Variants in GNAT3 observed in about 807,000 individuals in gnomAD.
GNAT3 encodes the protein guanine nucleotide-binding protein G(t) subunit alpha-3.
In GNAT3, 31 loss-of-function variants were observed where a neutral mutation model predicts 37.7. That is an observed-to-expected ratio of 0.82 (90% CI 0.62 to 1.11). The LOEUF (loss-of-function observed/expected upper bound fraction) is 1.11. Among genes scored for constraint, GNAT3 ranks in the 50% most tolerant of loss-of-function variants. GNAT3 has a pLI of 0.00. For synonymous variants in GNAT3, 138 were observed against 139.8 expected (o/e 0.99, Z 0.09); for missense variants, 437 against 412.5 (o/e 1.06, Z -0.51).
chr7:80,474,356 A>C lies in GNAT3; in HGVS notation c.485T>G (p.Ile162Arg). 2 of 1,548,916 alleles carry C rather than the reference A, an allele frequency of 1.3e-6. No homozygotes were observed. Among genetic ancestry groups the C allele is most frequent in the Non-Finnish European group, 1.8e-6 (2 of 1,142,770 alleles). ...AAYYLNDLDRITASGYVPNEQ... is the reference protein window; with the variant it reads ...AAYYLNDLDRRTASGYVPNEQ... ...ATTTGGCACATACCCAGATGCTGTT[A>C]TTCTATCTAAATCATTAAGGTAGCT... The change falls in exon 5 of 8, where the codon ATA becomes AGA. Residue 162 changes from isoleucine (I) to arginine (R), a missense_variant. Physicochemically the swap from Ile to Arg is moderately conservative, Grantham distance 97 (BLOSUM62 -3). Coordinates refer to ENST00000398291, the MANE Select transcript of GNAT3 (RefSeq NM_001102386.3).
chr7:80,465,399 T>C (rs1790114348), intron 5 of GNAT3, among the ~76,000 whole-genome samples: 1 of 152,126 alleles, frequency 6.6e-6, no homozygotes, highest in Non-Finnish European at 1.5e-5. Flanking sequence ...AGCAATTAAC[T>C]CATTTAAACC....
At chr7:80,479,474 C>T (rs1790355569) in intron 3 of GNAT3, among the ~76,000 whole-genome samples, 1 of 151,536 alleles carries the variant, frequency 6.6e-6, no homozygotes, top group Non-Finnish European at 1.5e-5. Flanking sequence ...AATCCCAGCA[C>T]TTAGGGAGGC....
chr7:80,490,437 A>G (rs1052698583), intron 2 of GNAT3, among the ~76,000 whole-genome samples: 1 of 152,172 alleles, frequency 6.6e-6, no homozygotes, highest in African/African-American at 2.4e-5. Flanking sequence ...ATGCATAGGA[A>G]CAAACTCTGC....
At chr7:80,500,173 GTGGGCTTGTT>G (rs1010818767) in intron 1 of GNAT3, among the ~76,000 whole-genome samples, 2 of 151,250 alleles carry the variant, frequency 1.3e-5, no homozygotes, top group African/African-American at 4.9e-5. Flanking sequence ...CTCACTCCTG[GTGGGCTTGTT>G]TATAAATAAG....
rs191433956 is a variant in GNAT3 at position 80,479,511 on chromosome 7, G to A, written c.304-513C>T. 6.7e-3 allele frequency among the ~76,000 whole-genome samples: 1,022 copies of A among 151,956 alleles called. 13 individuals are homozygous for A. Among genetic ancestry groups the A allele is most frequent in the African/African-American group, 0.023 (963 of 41,458 alleles). ...GAGGTGGGTAGATCACTTGAGCCCA[G>A]GAGTCTGAGACCAGCCTGGGCAACA... On this transcript the variant is annotated intron_variant, in intron 3 of 7. Transcript: ENST00000398291.
At chr7:80,497,541 T>C (rs976685443) in intron 1 of GNAT3, among the ~76,000 whole-genome samples, 2 of 150,620 alleles carry the variant, frequency 1.3e-5, no homozygotes, top group African/African-American at 2.4e-5. Context: ...TCTATATATA[T>C]ACACATATAC....
chr7:80,476,433 A>G (rs907268642), intron 4 of GNAT3, among the ~76,000 whole-genome samples: 1 of 146,264 alleles, frequency 6.8e-6, no homozygotes, highest in Non-Finnish European at 1.5e-5. Context: ...TTTTAAAGGC[A>G]CACTAGATGG....
At position 80,488,634 on chromosome 7, in the gene GNAT3, C is replaced by T. The variant is rs779131701; in HGVS notation, c.204G>A (p.Glu68=). Residue 68 remains glutamate (E), a synonymous_variant, in exon 3 of 8, where the codon GAG becomes GAA. Transcript: ENST00000398291. ...TATTACTGTAAATTACTGCTTTGAA[C>T]TCCATGCATTCTTGCTCACTGTAAC... is the stretch of plus-strand genomic sequence containing the variant. ...KNGYSEQECM[E]FKAVIYSNTL... is the part of the protein sequence containing the mutation. The T allele has an allele frequency of 6.3e-7, 1 of 1,588,194 alleles. No homozygotes were observed. The highest frequency in any genetic ancestry group is 8.6e-7 in the Non-Finnish European group (1 of 1,164,556).
intron 1 of GNAT3, among the ~76,000 whole-genome samples, chr7:80,510,045 C>T (rs1791034953): frequency 6.6e-6 from 1 of 152,160 alleles, no homozygotes; most frequent in South Asian, 2.1e-4. Context: ...CTATAGTCAC[C>T]GTGCTGAACA....
At chr7:80,509,597 A>G (rs1031519982) in intron 1 of GNAT3, among the ~76,000 whole-genome samples, 19 of 152,070 alleles carry the variant, frequency 1.2e-4, no homozygotes, top group African/African-American at 4.6e-4. Flanking sequence ...AAAATAATTC[A>G]TCTGACTTAT....
In GNAT3 at chr7:80,462,215, A is replaced by G. The variant is rs770717261; in HGVS notation, c.818T>C (p.Ile273Thr). 1.2e-6 allele frequency: 2 copies of G among 1,606,352 alleles called. No individual in the cohort carries two copies. Among genetic ancestry groups the G allele is most frequent in the East Asian group, 2.2e-5 (1 of 44,692 alleles). Residue 273 changes from isoleucine to threonine, a missense_variant, in exon 7 of 8, where the codon ATC becomes ACC. Physicochemically the swap from Ile to Thr is moderately conservative, Grantham distance 89. Coordinates refer to ENST00000398291, the MANE Select transcript of GNAT3 (RefSeq NM_001102386.3). ...SIVLFLNKKD[I>T]FQEKVTKVHL... ...CACCTTGGTTACCTTTTCTTGAAAG[A>G]TATCTTTTTTGTTGAGGAACAGGAC...
chr7:80,476,472 A>G (rs1790303608), intron 4 of GNAT3, among the ~76,000 whole-genome samples: 1 of 148,460 alleles, frequency 6.7e-6, no homozygotes, highest in Non-Finnish European at 1.5e-5. Context: ...GCAGTCAACT[A>G]AAATGTTTCC....
rs1210610856 is a variant in GNAT3 at position 80,458,708 on chromosome 7, A to G, written c.1028T>C (p.Ile343Thr). 2 of 1,589,398 alleles carry G rather than the reference A, an allele frequency of 1.3e-6. No individual in the cohort carries two copies. The highest frequency in any genetic ancestry group is 1.7e-6 in the Non-Finnish European group (2 of 1,167,978). The change falls in exon 8 of 8, where the codon ATA becomes ACA. Residue 343 changes from isoleucine (I) to threonine (T), a missense_variant. Coordinates refer to ENST00000398291, the MANE Select transcript of GNAT3 (RefSeq NM_001102386.3). ...ACAGTCTTTTAGATTCTCTTTGATT[A>G]TTATATCTGTAACTGCGTCAAACAC... ...KFVFDAVTDI[I>T]IKENLKDCGL...
At chr7:80,469,796 A>G (rs1790179672) in intron 5 of GNAT3, among the ~76,000 whole-genome samples, 1 of 152,180 alleles carries the variant, frequency 6.6e-6, no homozygotes, top group Non-Finnish European at 1.5e-5. Flanking sequence ...ATTTTGAAAT[A>G]CTACAGAATT....
At position 80,467,002 on chromosome 7, in the gene GNAT3, C is replaced by A. The variant is rs148183177; in HGVS notation, c.591-4371G>T. ...TGGCCTTATGTTCCTCATAACAATT[C>A]TTTGAAGGGAAAACAGTATTTACCC... On this transcript the variant is annotated intron_variant, in intron 5 of 7. Coordinates refer to ENST00000398291, the MANE Select transcript of GNAT3 (RefSeq NM_001102386.3). 1.9e-4 allele frequency among the ~76,000 whole-genome samples: 29 copies of A among 152,230 alleles called. 1 individual carries two copies. In the East Asian group the frequency reaches 3.9e-3, roughly 20 times the overall value.
At position 80,501,733 on chromosome 7, in the gene GNAT3, A is replaced by T. The variant is rs146702459; in HGVS notation, c.119-7086T>A. ...GACAATTTTCTAAATATATTCAATT[A>T]TCTGTATTCTCTGATTAGATTCAAT... On this transcript the variant is annotated intron_variant, in intron 1 of 7. Transcript: ENST00000398291. Among the ~76,000 whole-genome samples, 597 of 152,006 alleles carry T rather than the reference A, an allele frequency of 3.9e-3. 5 individuals are homozygous for T. Among genetic ancestry groups the T allele is most frequent in the African/African-American group, 0.014 (563 of 41,556 alleles).
chr7:80,505,411 G>T (rs1449336008), intron 1 of GNAT3, among the ~76,000 whole-genome samples: 1 of 152,122 alleles, frequency 6.6e-6, no homozygotes, highest in Non-Finnish European at 1.5e-5. Flanking sequence ...TCTGTGCCCA[G>T]GCTGGAGTGC....
chr7:80,469,103 C>G (rs1308927940), intron 5 of GNAT3, among the ~76,000 whole-genome samples: 1 of 152,078 alleles, frequency 6.6e-6, no homozygotes, highest in Non-Finnish European at 1.5e-5. Flanking sequence ...TCACTCCTAT[C>G]TGAGATGATT....
chr7:80,497,560 A>ACACACACTGTCT (rs1790741476), intron 1 of GNAT3, among the ~76,000 whole-genome samples: 13 of 137,320 alleles, frequency 9.5e-5, no homozygotes, highest in African/African-American at 3.6e-4. Flanking sequence ...ACGTATATAC[A>ACACACACTGTCT]TATACGTATA....
Sources: allele counts gnomAD v4.1 joint callset (sites outside exome capture counted in the v4.1 genomes callset), GRCh38; gene constraint gnomAD v4.1.1; transcripts MANE v1.5; gene names NCBI Gene and HGNC (gene_info 2026-07-23, HGNC 2026-07-21).